BLTP3A: variants seen among roughly 807,000 people sequenced by gnomAD.
The protein encoded by BLTP3A is bridge-like lipid transfer protein family member 3A.
the BLTP3A span, among the ~76,000 whole-genome samples, chr6:34,810,129 T>G: frequency 6.6e-6 from 1 of 152,232 alleles, no homozygotes; most frequent in African/African-American, 2.4e-5. Context: ...GATCTCAATC[T>G]ATAGGAAATA....
chr6:34,855,684 T>C, the BLTP3A span: 3 of 1,613,658 alleles, frequency 1.9e-6, no homozygotes, highest in African/African-American at 4.0e-5. Context: ...CGTTTGACTA[T>C]TACCCTTTCC....
the BLTP3A span, among the ~76,000 whole-genome samples, chr6:34,861,741 A>G: frequency 6.6e-6 from 1 of 152,208 alleles, no homozygotes; most frequent in Non-Finnish European, 1.5e-5. Context: ...GCATATGAAT[A>G]TATGATTTTT....
chr6:34,872,429 T>G, the BLTP3A span: 4 of 1,609,260 alleles, frequency 2.5e-6, no homozygotes, highest in Non-Finnish European at 3.4e-6. Context: ...ACCCCTTCTT[T>G]GAGCTCTGAA....
chr6:34,821,808 C>G, the BLTP3A span: 1 of 1,614,070 alleles, frequency 6.2e-7, no homozygotes. Context: ...AACAGGGCCT[C>G]CATCCGGGTG....
chr6:34,822,441 G>A, the BLTP3A span, among the ~76,000 whole-genome samples: 2 of 152,042 alleles, frequency 1.3e-5, no homozygotes, highest in Admixed American at 6.6e-5. Context: ...GTTTTGCCAC[G>A]TTGGCTAGGC....
the BLTP3A span, chr6:34,856,539 T>C: frequency 7.7e-7 from 1 of 1,296,786 alleles, no homozygotes; most frequent in African/African-American, 1.5e-5. Flanking sequence ...TCAGTGACTT[T>C]TTTCTTTACA....
chr6:34,869,691 C>T, the BLTP3A span, among the ~76,000 whole-genome samples: 1 of 124,472 alleles, frequency 8.0e-6, no homozygotes, highest in Non-Finnish European at 1.6e-5. Flanking sequence ...TGCTGGGTTG[C>T]CCAGGCCGGA....
the BLTP3A span, among the ~76,000 whole-genome samples, chr6:34,810,131 T>C: frequency 3.9e-5 from 6 of 152,198 alleles, no homozygotes; most frequent in African/African-American, 1.4e-4. Context: ...TCTCAATCTA[T>C]AGGAAATATC....
chr6:34,872,163 A>C, the BLTP3A span: 1 of 1,023,882 alleles, frequency 9.8e-7, no homozygotes, highest in Non-Finnish European at 1.4e-6. Context: ...TGAAGAGGGA[A>C]TCAAGGTCTT....
the BLTP3A span, chr6:34,876,186 T>A: frequency 6.6e-6 from 1 of 152,656 alleles, no homozygotes; most frequent in Non-Finnish European, 1.5e-5. Flanking sequence ...TAATCTGGTG[T>A]TCCTGATATA....
chr6:34,870,023 A>G, the BLTP3A span, among the ~76,000 whole-genome samples: 2 of 152,144 alleles, frequency 1.3e-5, no homozygotes, highest in Admixed American at 6.5e-5. Flanking sequence ...TAAGTGTACA[A>G]TTTTATAATT....
chr6:34,825,815 A>G, the BLTP3A span, among the ~76,000 whole-genome samples: 2 of 152,138 alleles, frequency 1.3e-5, no homozygotes, highest in Non-Finnish European at 2.9e-5. Flanking sequence ...TTGTCCATTC[A>G]CTAGTTGATG....
At chr6:34,809,933 A>G in the BLTP3A span, among the ~76,000 whole-genome samples, 1 of 152,206 alleles carries the variant, frequency 6.6e-6, no homozygotes, top group Non-Finnish European at 1.5e-5. Context: ...CATATTTTGT[A>G]TATGTATTAT....
chr6:34,855,841 C>T, the BLTP3A span: 2 of 1,479,212 alleles, frequency 1.4e-6, no homozygotes, highest in Non-Finnish European at 1.8e-6. Context: ...GGAAATATCC[C>T]TCTTCAAGAG....
the BLTP3A span, among the ~76,000 whole-genome samples, chr6:34,815,863 G>T: frequency 6.6e-6 from 1 of 152,160 alleles, no homozygotes; most frequent in African/African-American, 2.4e-5. Flanking sequence ...GGCCAGGCTG[G>T]TCTCAAACTC....
chr6:34,813,390 C>CT, the BLTP3A span, among the ~76,000 whole-genome samples: 2 of 152,198 alleles, frequency 1.3e-5, no homozygotes, highest in African/African-American at 2.4e-5. Flanking sequence ...ATTTGCAAAT[C>CT]TAAGAATTTT....
the BLTP3A span, chr6:34,859,622 T>G: frequency 6.3e-7 from 1 of 1,596,098 alleles, no homozygotes. Context: ...CTCCTAGTTC[T>G]GATCATTGGG....
chr6:34,800,719 T>C, the BLTP3A span, among the ~76,000 whole-genome samples: 1 of 152,190 alleles, frequency 6.6e-6, no homozygotes, highest in Admixed American at 6.5e-5. Context: ...AAAATAATAA[T>C]ATATCTTAGT....
At chr6:34,844,399 C>A in the BLTP3A span, among the ~76,000 whole-genome samples, 1 of 152,046 alleles carries the variant, frequency 6.6e-6, no homozygotes, top group Non-Finnish European at 1.5e-5. Flanking sequence ...CTCACCCTCC[C>A]GAGTAGCTGG....
Sources: gnomAD v4.1 joint callset for allele counts (sites outside exome capture counted in the v4.1 genomes callset) on GRCh38, gnomAD v4.1.1 for gene constraint, MANE v1.5 for transcripts, NCBI Gene and HGNC (gene_info 2026-07-23, HGNC 2026-07-21) for gene names.